The following NAV2 variants were observed in gnomAD, a reference collection of about 807,000 sequenced individuals.
NAV2 encodes helicase, APC down-regulated 1.
Under a neutral mutation model 223.2 loss-of-function variants are expected in NAV2, and 54 were observed. That is an observed-to-expected ratio of 0.24 (90% CI 0.19 to 0.30). NAV2 has a LOEUF of 0.30. Among genes scored for constraint, NAV2 ranks in the 10% least tolerant of loss-of-function variants. The probability of loss-of-function intolerance (pLI) is 1.00; values close to 1 mark genes in which losing one functional copy is unlikely to be tolerated. For synonymous variants in NAV2, 1,279 were observed against 1,239.3 expected (o/e 1.03, Z -0.67); for missense variants, 2,806 against 3,147.5 (o/e 0.89, Z 2.60).
intron 1 of NAV2, among the ~76,000 whole-genome samples, chr11:19,723,091 C>A (rs2050902698): frequency 6.6e-6 from 1 of 152,156 alleles, no homozygotes; most frequent in East Asian, 1.9e-4. Context: ...TGCCCCCCAC[C>A]CCCAACCGCC....
At chr11:19,391,007 G>GA (rs1467869613) in intron 1 of NAV2, among the ~76,000 whole-genome samples, 1 of 152,156 alleles carries the variant, frequency 6.6e-6, no homozygotes, top group Non-Finnish European at 1.5e-5. Flanking sequence ...TCTTAAGAAT[G>GA]AAGAAGCTGA....
chr11:19,839,371 G>A (rs887444440), intron 2 of NAV2, among the ~76,000 whole-genome samples: 2 of 152,170 alleles, frequency 1.3e-5, no homozygotes, highest in African/African-American at 4.8e-5. Context: ...GATAAGAGTT[G>A]AGAGAGGAAG....
rs959139253 is a variant in NAV2, at chr11:19,805,773, G to A, written c.268-26711G>A. On this transcript the variant is annotated intron_variant, in intron 1 of 37. Coordinates refer to ENST00000349880, the MANE Select transcript of NAV2 (RefSeq NM_145117.5). The stretch of plus-strand genomic sequence containing the variant: ...TGTGGCTGCTGGGACTTTACCAAAC[G>A]TACTTCTCATCCCCGCAACATCCTT... Among the ~76,000 whole-genome samples the A allele has an allele frequency of 7.2e-5, 11 of 152,092 alleles. 1 individual carries two copies. Among genetic ancestry groups the A allele is most frequent in the Admixed American group, 7.2e-4 (11 of 15,274 alleles).
intron 1 of NAV2, among the ~76,000 whole-genome samples, chr11:19,427,051 AC>A (rs1019282823): frequency 2.0e-5 from 3 of 148,022 alleles, no homozygotes; most frequent in Non-Finnish European, 3.0e-5. Context: ...TTAGCAGCTG[AC>A]CGGGACACTC....
At chr11:19,604,157 T>C (rs867961491) in intron 1 of NAV2, among the ~76,000 whole-genome samples, 13 of 152,140 alleles carry the variant, frequency 8.5e-5, no homozygotes, top group African/African-American at 3.1e-4. Flanking sequence ...TTGGAGGGTT[T>C]TAAGCAGAGG....
intron 1 of NAV2, among the ~76,000 whole-genome samples, chr11:19,396,515 C>G (rs566082359): frequency 1.3e-5 from 2 of 152,288 alleles, no homozygotes; most frequent in African/African-American, 4.8e-5. Flanking sequence ...TCTGGGGCTC[C>G]CCTATGGCGG....
chr11:19,669,739 T>A (rs1049854071), intron 1 of NAV2, among the ~76,000 whole-genome samples: 1 of 152,154 alleles, frequency 6.6e-6, no homozygotes, highest in African/African-American at 2.4e-5. Flanking sequence ...CCCTATCCAG[T>A]TCCCTTTCCT....
chr11:20,091,692 C>T (rs1044224959), intron 27 of NAV2, among the ~76,000 whole-genome samples: 10 of 152,286 alleles, frequency 6.6e-5, no homozygotes, highest in African/African-American at 2.2e-4. Context: ...AAAGATACCT[C>T]TAGAGTCTGC....
At chr11:19,378,672 T>G (rs1848727405) in intron 1 of NAV2, among the ~76,000 whole-genome samples, 1 of 152,122 alleles carries the variant, frequency 6.6e-6, no homozygotes, top group South Asian at 2.1e-4. Flanking sequence ...GAAACTGACT[T>G]CGTGTCTGCC....
chr11:19,907,204 G>A (rs758486190), intron 6 of NAV2, among the ~76,000 whole-genome samples: 2 of 152,092 alleles, frequency 1.3e-5, no homozygotes, highest in African/African-American at 4.8e-5. Flanking sequence ...GACTACAAAG[G>A]GGAAAGTAAC....
chr11:19,849,826 A>C (rs746638276), intron 3 of NAV2, among the ~76,000 whole-genome samples: 3 of 152,212 alleles, frequency 2.0e-5, no homozygotes, highest in Non-Finnish European at 2.9e-5. Context: ...ACTGCTTCCC[A>C]CCCAGGGCAG....
At chr11:19,817,001 C>A (rs781307908) in intron 1 of NAV2, among the ~76,000 whole-genome samples, 2 of 151,996 alleles carry the variant, frequency 1.3e-5, no homozygotes, top group African/African-American at 4.8e-5. Context: ...ATAAATCAGT[C>A]GGCTGTGTAA....
In NAV2 at chr11:19,964,404, T is replaced by C. The variant is rs528990702; in HGVS notation, c.2645+15324T>C. On this transcript the variant is annotated intron_variant, in intron 10 of 37. Coordinates refer to ENST00000349880, the MANE Select transcript of NAV2 (RefSeq NM_145117.5). ...TAACGGTTAATAATAATGACCATTG[T>C]AATAATATTAACACGACTAGCTACC... Among the ~76,000 whole-genome samples the C allele has an allele frequency of 7.2e-5, 11 of 152,294 alleles. No homozygotes were observed. In the South Asian group the frequency reaches 2.3e-3, roughly 32 times the overall value.
At chr11:19,593,371 C>T (rs1342301721) in intron 1 of NAV2, among the ~76,000 whole-genome samples, 1 of 151,978 alleles carries the variant, frequency 6.6e-6, no homozygotes, top group Non-Finnish European at 1.5e-5. Context: ...CATGGATATG[C>T]CACCAATATA....
chr11:19,444,040 T>C (rs148814821), intron 1 of NAV2, among the ~76,000 whole-genome samples: 1,554 of 152,252 alleles, frequency 0.01, 6 homozygotes, highest in Middle Eastern at 0.024. Flanking sequence ...GTTCAAGTGA[T>C]TCTCCTGCCT....
At chr11:19,501,799 TAAG>T (rs2042970825) in intron 1 of NAV2, among the ~76,000 whole-genome samples, 1 of 152,010 alleles carries the variant, frequency 6.6e-6, no homozygotes, top group Admixed American at 6.6e-5. Context: ...ACTTCATGAA[TAAG>T]AAATGAGCCG....
chr11:19,957,996 G>A (rs188230332), intron 10 of NAV2, among the ~76,000 whole-genome samples: 1 of 152,308 alleles, frequency 6.6e-6, no homozygotes, highest in Non-Finnish European at 1.5e-5. Flanking sequence ...TTTGAGGCTT[G>A]AATCCCTTCC....
chr11:19,776,132 C>T (rs1303703549), intron 1 of NAV2, among the ~76,000 whole-genome samples: 1 of 152,138 alleles, frequency 6.6e-6, no homozygotes, highest in Non-Finnish European at 1.5e-5. Context: ...TGGGGGAGAG[C>T]CAGGATTTCC....
intron 10 of NAV2, among the ~76,000 whole-genome samples, chr11:19,950,865 C>T (rs766053893): frequency 3.3e-5 from 5 of 152,144 alleles, no homozygotes; most frequent in Non-Finnish European, 5.9e-5. Context: ...CTACAAAGTA[C>T]GGGCAGCTGT....
Sources: gnomAD v4.1 joint callset for allele counts (sites outside exome capture counted in the v4.1 genomes callset) on GRCh38, gnomAD v4.1.1 for gene constraint, MANE v1.5 for transcripts, NCBI Gene and HGNC (gene_info 2026-07-23, HGNC 2026-07-21) for gene names.